The following ABCG2 variants were observed in gnomAD, a reference collection of about 807,000 sequenced individuals.
The protein encoded by ABCG2 is ATP binding cassette subfamily G member 2 (JR blood group), also known as broad substrate specificity ATP-binding cassette transporter ABCG2.
Under a neutral mutation model 73.5 loss-of-function variants are expected in ABCG2, and 80 were observed. That is an observed-to-expected ratio of 1.09 (90% CI 0.91 to 1.31). The LOEUF is 1.31. Among genes scored for constraint, ABCG2 ranks in the 50% most tolerant of loss-of-function variants. The probability of loss-of-function intolerance (pLI) is 0.00; values close to 1 mark genes in which losing one functional copy is unlikely to be tolerated. For synonymous variants in ABCG2, 269 were observed against 282.4 expected, an observed-to-expected ratio of 0.95 and a Z score of 0.48; for missense variants, 796 against 786.2, an observed-to-expected ratio of 1.01 and a Z score of -0.15.
intron 1 of ABCG2, among the ~76,000 whole-genome samples, chr4:88,219,071 G>C (rs188821812): frequency 1.2e-4 from 18 of 152,322 alleles, no homozygotes; most frequent in African/African-American, 4.3e-4. Flanking sequence ...TTTACACAGA[G>C]GTGCTTGTAC....
Position 88,158,384 on chromosome 4 carries a change from A to G in ABCG2, c.-20+2T>C, listed in dbSNP as rs1727094420. 5.3e-6 allele frequency: 2 copies of G among 379,000 alleles called. No homozygotes were observed. Among genetic ancestry groups the G allele is most frequent in the African/African-American group, 4.2e-5 (2 of 47,134 alleles). The allele number at this position is 379,000 out of a possible 1,614,324, so 23.5% of individuals were successfully genotyped here. A position where few individuals can be genotyped will look rare whatever the true frequency, so the allele number is the denominator to read the frequency against. ...GCGAAACTGGTTTTACAATTTACTC[A>G]CTCAGCTTAATAGAGCTCGGTCTTA... On this transcript the variant is annotated splice_donor_variant, in intron 1 of 15. Transcript: ENST00000237612. LOFTEE classifies it low-confidence loss of function (5UTR_SPLICE).
At chr4:88,180,984 GAT>G (rs1383745730) in intron 1 of ABCG2, among the ~76,000 whole-genome samples, 1 of 151,986 alleles carries the variant, frequency 6.6e-6, no homozygotes, top group Non-Finnish European at 1.5e-5. Context: ...AGTGCAATAA[GAT>G]ATAAATAGAA....
chr4:88,121,689 G>C lies in ABCG2; in HGVS notation c.635C>G (p.Pro212Arg). 6.8e-6 allele frequency: 11 copies of C among 1,614,094 alleles called. No homozygotes were observed. Among genetic ancestry groups the C allele is most frequent in the Non-Finnish European group, 4.2e-6 (5 of 1,179,996 alleles). ...TDPSILFLDE[P>R]TTGLDSSTAN... ...TGTGCTTGAGTCTAAGCCAGTTGTA[G>C]GCTCATCCAAGAACAAGATGGAAGG... The change falls in exon 6 of 16, where the codon CCT (proline) becomes CGT (arginine). Residue 212 changes from proline to arginine, a missense_variant. Transcript: ENST00000237612.
At chr4:88,197,010 A>C (rs899796273) in intron 1 of ABCG2, among the ~76,000 whole-genome samples, 1 of 151,964 alleles carries the variant, frequency 6.6e-6, no homozygotes, top group Non-Finnish European at 1.5e-5. Context: ...TTAAGGTGAA[A>C]GTTTGAGGAG....
At chr4:88,216,795 C>T (rs1729830930) in intron 1 of ABCG2, among the ~76,000 whole-genome samples, 1 of 152,016 alleles carries the variant, frequency 6.6e-6, no homozygotes, top group African/African-American at 2.4e-5. Flanking sequence ...TTTGGGAGGC[C>T]GAGGAGGGCA....
intron 1 of ABCG2, among the ~76,000 whole-genome samples, chr4:88,151,757 T>C (rs1207670944): frequency 1.3e-5 from 2 of 150,496 alleles, no homozygotes; most frequent in African/African-American, 4.9e-5. Context: ...AAAAAAAGAA[T>C]TATTAACAGA....
Position 88,132,650 on chromosome 4 carries a change from A to T in ABCG2, c.204-15T>A. 6.2e-7 allele frequency: 1 copy of T among 1,614,076 alleles called. No individual in the cohort carries two copies. Among genetic ancestry groups the T allele is most frequent in the Non-Finnish European group, 8.5e-7 (1 of 1,179,924 alleles). On this transcript the variant is annotated splice_polypyrimidine_tract_variant and intron_variant, in intron 2 of 15. Coordinates refer to ENST00000237612, the MANE Select transcript of ABCG2 (RefSeq NM_004827.3). ...TCATGATCCCACTGTAAACACAAAA[A>T]CAGACTGATTTACTATTCCATTTTA...
chr4:88,098,488 T>A (rs1722138195), intron 12 of ABCG2, among the ~76,000 whole-genome samples: 1 of 151,622 alleles, frequency 6.6e-6, no homozygotes. Flanking sequence ...CTTTCTCTCA[T>A]TAAAGAAGCA....
chr4:88,144,449 C>CTTTTTTTTTTTTTTT (rs59434855), intron 1 of ABCG2, among the ~76,000 whole-genome samples: 1 of 77,582 alleles, frequency 1.3e-5, no homozygotes, highest in African/African-American at 5.8e-5. Flanking sequence ...CACATTTTTA[C>CTTTTTTTTTTTTTTT]TTTTTTTTTT....
rs183867894 is a variant in ABCG2 at position 88,164,861 on chromosome 4, T to A, written c.-19-24847A>T. 7.1e-3 allele frequency among the ~76,000 whole-genome samples: 1,079 copies of A among 152,214 alleles called. 4 individuals carry two copies. Among genetic ancestry groups the A allele is most frequent in the Admixed American group, 0.012 (188 of 15,298 alleles). On this transcript the variant is annotated intron_variant, in intron 1 of 15. Coordinates refer to the ABCG2 transcript ENST00000515655. ...GGCACAATCTCAGCTCGCCACAACC[T>A]CCACCTCCTGGGTTCAAGCAATTCT... is the stretch of plus-strand genomic sequence containing the variant.
chr4:88,154,382 G>T (rs1185707284), intron 1 of ABCG2, among the ~76,000 whole-genome samples: 1 of 152,196 alleles, frequency 6.6e-6, no homozygotes, highest in East Asian at 1.9e-4. Context: ...GGATATGGAA[G>T]GCATATTTAG....
intron 10 of ABCG2, among the ~76,000 whole-genome samples, chr4:88,102,749 T>C (rs1268619820): frequency 6.6e-6 from 1 of 151,810 alleles, no homozygotes; most frequent in Non-Finnish European, 1.5e-5. Flanking sequence ...GAGTTGAAAC[T>C]GAAAAAGAGG....
At chr4:88,173,403 C>T (rs1211729721) in intron 1 of ABCG2, among the ~76,000 whole-genome samples, 1 of 152,120 alleles carries the variant, frequency 6.6e-6, no homozygotes, top group Non-Finnish European at 1.5e-5. Flanking sequence ...ATCCTTTTGC[C>T]TTCCATTGTT....
chr4:88,154,935 CT>C (rs1726831910), intron 1 of ABCG2, among the ~76,000 whole-genome samples: 1 of 152,136 alleles, frequency 6.6e-6, no homozygotes, highest in African/African-American at 2.4e-5. Flanking sequence ...GATGGCTAGG[CT>C]AAAACAGTAA....
At chr4:88,210,220 C>T (rs947045675) in intron 1 of ABCG2, among the ~76,000 whole-genome samples, 3 of 131,046 alleles carry the variant, frequency 2.3e-5, no homozygotes, top group African/African-American at 8.6e-5. Flanking sequence ...CACACACACA[C>T]ATATACATAT....
rs548254708 is a variant in ABCG2, at chr4:88,095,534, G to A, written c.1723C>T (p.Arg575Ter). ...LSWLQYFSIP[R>*]YGFTALQHNE... ...GGAAGACATACCGTAAATCCATATC[G>A]TGGAATGCTGAAGTACTGAAGCCAT... Residue 575 changes from arginine to a stop codon, truncating the protein, a stop_gained, in exon 14 of 16, where the codon CGA (arginine) becomes TGA (stop). Coordinates refer to ENST00000237612, the MANE Select transcript of ABCG2 (RefSeq NM_004827.3). LOFTEE classifies it high-confidence loss of function. 5.4e-5 allele frequency: 87 copies of A among 1,613,066 alleles called. No individual in the cohort carries two copies. In the East Asian group the frequency reaches 6.2e-4, roughly 12 times the overall value.
At chr4:88,212,850 G>A (rs763465709) in intron 1 of ABCG2, among the ~76,000 whole-genome samples, 4 of 152,172 alleles carry the variant, frequency 2.6e-5, no homozygotes, top group Non-Finnish European at 2.9e-5. Flanking sequence ...GCAGTTGAAC[G>A]TGGGTGGAGA....
rs192169063 is a variant in ABCG2 at position 88,099,351 on chromosome 4, A to G, written c.1465T>C (p.Phe489Leu). Residue 489 changes from phenylalanine (F) to leucine (L), a missense_variant, in exon 12 of 16, where the codon TTT becomes CTT. Coordinates refer to ENST00000237612, the MANE Select transcript of ABCG2 (RefSeq NM_004827.3). ...AACATGAAGTACACTATACAGGTAA[A>G]TATAATACTTGGTAACATCCTCATG... ...LPMRMLPSII[F>L]TCIVYFMLGL... The G allele has an allele frequency of 2.5e-4, 399 of 1,610,964 alleles. 3 individuals carry two copies. In the East Asian group the frequency reaches 8.5e-3, roughly 34 times the overall value.
At chr4:88,176,641 T>C (rs1382375429) in intron 1 of ABCG2, among the ~76,000 whole-genome samples, 2 of 131,088 alleles carry the variant, frequency 1.5e-5, no homozygotes, top group East Asian at 2.3e-4. Flanking sequence ...CCAGCACACC[T>C]GGCTAATTTT....
Sources: gnomAD v4.1 joint callset for allele counts (sites outside exome capture counted in the v4.1 genomes callset) on GRCh38, gnomAD v4.1.1 for gene constraint, MANE v1.5 for transcripts, NCBI Gene and HGNC (gene_info 2026-07-23, HGNC 2026-07-21) for gene names.